The following ADGRB3 variants were observed in gnomAD, a reference collection of about 807,000 sequenced individuals.
ADGRB3 encodes brain-specific angiogenesis inhibitor 3.
In ADGRB3, 37 loss-of-function variants were observed where a neutral mutation model predicts 193.4. The ratio of observed to expected loss-of-function variants is 0.19; its 90% CI spans 0.15 to 0.25. The LOEUF (loss-of-function observed/expected upper bound fraction) is 0.25, where lower values mean the gene tolerates loss of function less well. Among genes scored for constraint, ADGRB3 ranks in the 10% least tolerant of loss-of-function variants. The pLI is 1.00. For synonymous variants in ADGRB3, 690 were observed against 644.2 expected, an observed-to-expected ratio of 1.07 and a Z score of -1.08; for missense variants, 1,637 against 1,852.9, an observed-to-expected ratio of 0.88 and a Z score of 2.14.
chr6:68,705,241 A>G (rs1232488412), intron 3 of ADGRB3, among the ~76,000 whole-genome samples: 1 of 152,198 alleles, frequency 6.6e-6, no homozygotes, highest in Non-Finnish European at 1.5e-5. Context: ...GTTTGCTTGT[A>G]TGTTTTCTCC....
At chr6:69,066,237 G>T in intron 16 of ADGRB3, among the ~76,000 whole-genome samples, 1 of 150,860 alleles carries the variant, frequency 6.6e-6, no homozygotes. Context: ...CATATTTGTT[G>T]CCTTCAAATT....
intron 6 of ADGRB3, among the ~76,000 whole-genome samples, chr6:68,946,484 A>G (rs1767778652): frequency 1.3e-5 from 2 of 152,172 alleles, no homozygotes. Context: ...TAAATACGCT[A>G]GCTTCAATGA....
At chr6:69,237,161 G>T (rs1310631773) in intron 19 of ADGRB3, among the ~76,000 whole-genome samples, 1 of 151,958 alleles carries the variant, frequency 6.6e-6, no homozygotes, top group East Asian at 1.9e-4. Flanking sequence ...TTACTAGAAG[G>T]ATGCCATTAT....
At chr6:68,861,174 A>C (rs942129999) in intron 3 of ADGRB3, among the ~76,000 whole-genome samples, 10 of 152,146 alleles carry the variant, frequency 6.6e-5, no homozygotes. Flanking sequence ...TATTATCCTC[A>C]GTTTGCAGAT....
At position 68,661,491 on chromosome 6, in the gene ADGRB3, ATG is replaced by A. The variant is rs1404626200; in HGVS notation, c.757+22065_757+22066del. 5.6e-5 allele frequency among the ~76,000 whole-genome samples: 7 copies of A among 125,132 alleles called. No individual in the cohort carries two copies. In the East Asian group the frequency reaches 9.0e-4, roughly 16 times the overall value. 82.1% of individuals were successfully genotyped at this position (125,132 alleles called of 152,430 possible). A position where few individuals can be genotyped will look rare whatever the true frequency, so the allele number is the denominator to read the frequency against. On this transcript the variant is annotated intron_variant, in intron 3 of 31. Transcript: ENST00000370598. The stretch of plus-strand genomic sequence containing the variant: ...TATATATATGTGTATACATATATAT[ATG>A]TGTGTATACATATATATGTGTGTAT...
intron 15 of ADGRB3, among the ~76,000 whole-genome samples, chr6:69,055,724 T>G (rs1771525195): frequency 6.6e-6 from 1 of 152,224 alleles, no homozygotes; most frequent in African/African-American, 2.4e-5. Flanking sequence ...AGCTGCACCA[T>G]TTCACATTCC....
At chr6:68,995,573 G>A (rs955682892) in intron 11 of ADGRB3, among the ~76,000 whole-genome samples, 1 of 152,150 alleles carries the variant, frequency 6.6e-6, no homozygotes, top group African/African-American at 2.4e-5. Flanking sequence ...GAGCAATTTG[G>A]CTAATTATCT....
At chr6:69,220,351 C>T (rs918603021) in intron 17 of ADGRB3, among the ~76,000 whole-genome samples, 7 of 152,028 alleles carry the variant, frequency 4.6e-5, no homozygotes, top group African/African-American at 1.7e-4. Context: ...GCTACTGTAC[C>T]TTGCAAATAA....
chr6:68,760,871 C>A (rs1177482021), intron 3 of ADGRB3, among the ~76,000 whole-genome samples: 1 of 152,154 alleles, frequency 6.6e-6, no homozygotes, highest in East Asian at 1.9e-4. Context: ...CAGCTGCATT[C>A]AACATGCAAT....
At chr6:69,258,421 C>A (rs1378711725) in intron 20 of ADGRB3, among the ~76,000 whole-genome samples, 1 of 152,068 alleles carries the variant, frequency 6.6e-6, no homozygotes, top group African/African-American at 2.4e-5. Flanking sequence ...ATTGAATTCA[C>A]ATGTATATAG....
At chr6:69,098,714 A>G (rs1772953224) in intron 17 of ADGRB3, among the ~76,000 whole-genome samples, 1 of 152,180 alleles carries the variant, frequency 6.6e-6, no homozygotes, top group African/African-American at 2.4e-5. Flanking sequence ...CACAAAACCA[A>G]ACCGTATCAA....
chr6:69,026,267 C>T (rs1483088259), intron 13 of ADGRB3, among the ~76,000 whole-genome samples: 1 of 152,144 alleles, frequency 6.6e-6, no homozygotes, highest in Non-Finnish European at 1.5e-5. Flanking sequence ...AGAGCAGTGT[C>T]ATTTCAGGGA....
chr6:68,669,604 T>TTGTG (rs59849376), intron 3 of ADGRB3, among the ~76,000 whole-genome samples: 1,878 of 134,710 alleles, frequency 0.014, 17 homozygotes, highest in East Asian at 0.021. Context: ...TAATACTCCA[T>TTGTG]TGTGTGTGTG....
At chr6:68,795,928 T>G (rs943148528) in intron 3 of ADGRB3, among the ~76,000 whole-genome samples, 1 of 152,108 alleles carries the variant, frequency 6.6e-6, no homozygotes, top group South Asian at 2.1e-4. Context: ...TCTTAATGAT[T>G]TTATATATAA....
At chr6:68,770,882 G>A (rs1033219206) in intron 3 of ADGRB3, among the ~76,000 whole-genome samples, 3 of 152,022 alleles carry the variant, frequency 2.0e-5, no homozygotes, top group Admixed American at 6.6e-5. Flanking sequence ...TGTGACATTA[G>A]GGAATTCCTC....
intron 3 of ADGRB3, among the ~76,000 whole-genome samples, chr6:68,750,300 A>G (rs916369288): frequency 2.0e-5 from 3 of 152,176 alleles, no homozygotes; most frequent in Non-Finnish European, 4.4e-5. Context: ...ATAACTGGGA[A>G]TGTTTCAGCA....
At chr6:69,189,939 G>A (rs1765153209) in intron 17 of ADGRB3, among the ~76,000 whole-genome samples, 1 of 152,094 alleles carries the variant, frequency 6.6e-6, no homozygotes, top group Non-Finnish European at 1.5e-5. Flanking sequence ...GAATCTCTTA[G>A]TTACACTGTA....
At chr6:69,079,036 G>A (rs896892622) in intron 17 of ADGRB3, among the ~76,000 whole-genome samples, 2 of 151,996 alleles carry the variant, frequency 1.3e-5, no homozygotes, top group Non-Finnish European at 2.9e-5. Context: ...AATTATTAGA[G>A]CTAACATTGG....
chr6:69,064,482 T>A (rs1359167256), intron 16 of ADGRB3, among the ~76,000 whole-genome samples: 2 of 152,046 alleles, frequency 1.3e-5, no homozygotes, highest in Non-Finnish European at 2.9e-5. Flanking sequence ...TCCTCATACC[T>A]TAGTATAGCC....
Sources: gnomAD v4.1 joint callset for allele counts (sites outside exome capture counted in the v4.1 genomes callset) on GRCh38, gnomAD v4.1.1 for gene constraint, MANE v1.5 for transcripts, NCBI Gene and HGNC (gene_info 2026-07-23, HGNC 2026-07-21) for gene names.